Variants in GRIK2 observed in about 807,000 individuals in gnomAD.
The protein encoded by GRIK2 is glutamate receptor ionotropic, kainate 2.
A neutral mutation model predicts 100.3 loss-of-function variants in GRIK2; 32 were observed. That is an observed-to-expected ratio of 0.32 (90% CI 0.24 to 0.43). The LOEUF (loss-of-function observed/expected upper bound fraction) is 0.43. Among genes scored for constraint, GRIK2 ranks in the 20% least tolerant of loss-of-function variants. The probability of loss-of-function intolerance (pLI) is 1.00; values close to 1 mark genes in which losing one functional copy is unlikely to be tolerated. For synonymous variants in GRIK2, 417 were observed against 389.4 expected (o/e 1.07, Z -0.83); for missense variants, 843 against 1,114.9 (o/e 0.76, Z 3.47).
intron 7 of GRIK2, among the ~76,000 whole-genome samples, chr6:101,776,767 C>T (rs529244127): frequency 9.2e-5 from 14 of 152,246 alleles, no homozygotes; most frequent in East Asian, 1.9e-4. Context: ...TGAATTGTAG[C>T]GTCATGTACA....
At chr6:101,907,979 A>G (rs1032565759) in intron 12 of GRIK2, among the ~76,000 whole-genome samples, 1 of 150,290 alleles carries the variant, frequency 6.7e-6, no homozygotes, top group Non-Finnish European at 1.5e-5. Flanking sequence ...CTCCTTCTTC[A>G]TTTTCTGTAA....
intron 4 of GRIK2, among the ~76,000 whole-genome samples, chr6:101,672,381 A>C (rs1292445791): frequency 6.6e-6 from 1 of 152,058 alleles, no homozygotes; most frequent in Non-Finnish European, 1.5e-5. Context: ...CAGATGCCCA[A>C]CCAGAAGTCA....
At chr6:101,543,783 C>G (rs1776110876) in intron 2 of GRIK2, among the ~76,000 whole-genome samples, 1 of 152,180 alleles carries the variant, frequency 6.6e-6, no homozygotes, top group African/African-American at 2.4e-5. Flanking sequence ...AGTGCTTAAA[C>G]AGTGAATGGC....
intron 14 of GRIK2, among the ~76,000 whole-genome samples, chr6:102,020,192 A>G (rs1218435020): frequency 6.6e-6 from 1 of 151,892 alleles, no homozygotes; most frequent in African/African-American, 2.4e-5. Context: ...AATTGTTTTT[A>G]GAATACCCTT....
chr6:102,053,064 T>C (rs1256683710), intron 15 of GRIK2, among the ~76,000 whole-genome samples: 1 of 150,818 alleles, frequency 6.6e-6, no homozygotes, highest in Non-Finnish European at 1.5e-5. Context: ...CGAGACTCTG[T>C]CTACAAAGAC....
intron 12 of GRIK2, among the ~76,000 whole-genome samples, chr6:101,898,239 C>T (rs1204718087): frequency 6.6e-6 from 1 of 151,444 alleles, no homozygotes; most frequent in Admixed American, 6.6e-5. Flanking sequence ...TTAATTTTAA[C>T]TTATTATGAA....
chr6:101,541,873 AC>A (rs1356258104), intron 2 of GRIK2, among the ~76,000 whole-genome samples: 6 of 149,250 alleles, frequency 4.0e-5, no homozygotes, highest in African/African-American at 1.5e-4. Context: ...TTATTCTCCC[AC>A]TCTCCCTCAC....
intron 5 of GRIK2, among the ~76,000 whole-genome samples, chr6:101,679,872 G>A (rs559105883): frequency 1.5e-4 from 23 of 152,146 alleles, no homozygotes; most frequent in Admixed American, 5.9e-4. Context: ...CTGAGTAGCC[G>A]GTATTACAGG....
At chr6:101,643,270 T>TTTAA (rs1308135012) in intron 4 of GRIK2, among the ~76,000 whole-genome samples, 2 of 151,702 alleles carry the variant, frequency 1.3e-5, no homozygotes, top group Non-Finnish European at 3.0e-5. Flanking sequence ...ACTTTTGCTG[T>TTTAA]CATATTCAAT....
intron 2 of GRIK2, among the ~76,000 whole-genome samples, chr6:101,436,849 T>A (rs1290910262): frequency 6.6e-6 from 1 of 151,002 alleles, no homozygotes; most frequent in African/African-American, 2.4e-5. Flanking sequence ...AACATGCAGG[T>A]TTGTTAAATA....
intron 14 of GRIK2, among the ~76,000 whole-genome samples, chr6:102,032,257 T>C (rs547408662): frequency 3.8e-4 from 58 of 151,402 alleles, no homozygotes; most frequent in African/African-American, 1.3e-3. Context: ...GTCCAGGCCC[T>C]TTAGAAAGAC....
chr6:101,467,931 A>G (rs2579936), intron 2 of GRIK2, among the ~76,000 whole-genome samples: 1 of 141,118 alleles, frequency 7.1e-6, no homozygotes. Context: ...CCCACGATAT[A>G]TTTTTTTTTT....
At chr6:101,445,761 TG>T (rs1393383665) in intron 2 of GRIK2, among the ~76,000 whole-genome samples, 1 of 152,146 alleles carries the variant, frequency 6.6e-6, no homozygotes, top group Non-Finnish European at 1.5e-5. Context: ...TTTTCCCATC[TG>T]TAGTTGACTC....
chr6:101,773,505 A>T (rs1453143643), intron 7 of GRIK2, among the ~76,000 whole-genome samples: 1 of 151,690 alleles, frequency 6.6e-6, no homozygotes, highest in African/African-American at 2.4e-5. Context: ...GAAAAAAAAA[A>T]CTAGTGAAGA....
chr6:101,420,207 G>A (rs891613092), intron 2 of GRIK2, among the ~76,000 whole-genome samples: 1 of 152,098 alleles, frequency 6.6e-6, no homozygotes, highest in African/African-American at 2.4e-5. Flanking sequence ...ATTTACCTGG[G>A]GCTTCCCACC....
At chr6:101,401,235 A>T (rs1479223286) in intron 2 of GRIK2, among the ~76,000 whole-genome samples, 1 of 152,290 alleles carries the variant, frequency 6.6e-6, no homozygotes, top group East Asian at 1.9e-4. Context: ...TAAGGATTTA[A>T]TTATTGCCGC....
At chr6:101,427,392 C>T (rs1326452587) in intron 2 of GRIK2, among the ~76,000 whole-genome samples, 2 of 152,140 alleles carry the variant, frequency 1.3e-5, no homozygotes, top group Admixed American at 6.5e-5. Flanking sequence ...TTTGTCTTCC[C>T]TTTTCATAGT....
intron 16 of GRIK2, among the ~76,000 whole-genome samples, chr6:102,062,613 C>A (rs1771810631): frequency 6.7e-6 from 1 of 150,334 alleles, no homozygotes; most frequent in Admixed American, 6.6e-5. Flanking sequence ...GCTCTAAAAC[C>A]AAATATCAAG....
chr6:101,440,973 T>A (rs1050534312), intron 2 of GRIK2, among the ~76,000 whole-genome samples: 14 of 124,120 alleles, frequency 1.1e-4, no homozygotes, highest in Admixed American at 1.6e-4. Flanking sequence ...CAGGCCTGAA[T>A]TTTTTTTTTT....
Sources: allele counts gnomAD v4.1 joint callset (sites outside exome capture counted in the v4.1 genomes callset), GRCh38; gene constraint gnomAD v4.1.1; transcripts MANE v1.5; gene names NCBI Gene and HGNC (gene_info 2026-07-23, HGNC 2026-07-21).